Variants in PARP8 observed in about 807,000 individuals in gnomAD.
PARP8 encodes poly(ADP-ribose) polymerase family member 8.
A neutral mutation model predicts 124.1 loss-of-function variants in PARP8; 51 were observed. That is an observed-to-expected ratio of 0.41 (90% CI 0.33 to 0.52). The LOEUF (loss-of-function observed/expected upper bound fraction) is 0.52. Among genes scored for constraint, PARP8 ranks in the 20% least tolerant of loss-of-function variants. PARP8 has a pLI of 0.21. For synonymous variants in PARP8, 391 were observed against 361.5 expected (o/e 1.08, Z -0.93); for missense variants, 860 against 1,018.9 (o/e 0.84, Z 2.12).
chr5:50,757,482 G>A (rs979930680), intron 3 of PARP8, among the ~76,000 whole-genome samples: 2 of 151,964 alleles, frequency 1.3e-5, no homozygotes, highest in Admixed American at 6.6e-5. Flanking sequence ...ATGTAATAAC[G>A]GCAATTTAAT....
intron 2 of PARP8, among the ~76,000 whole-genome samples, chr5:50,693,713 T>C (rs1279602007): frequency 6.6e-6 from 1 of 151,662 alleles, no homozygotes; most frequent in East Asian, 1.9e-4. Context: ...TTGATTGAAT[T>C]ATATAATGTA....
At chr5:50,808,655 A>G (rs527639637) in intron 14 of PARP8, among the ~76,000 whole-genome samples, 1 of 152,170 alleles carries the variant, frequency 6.6e-6, no homozygotes, top group African/African-American at 2.4e-5. Flanking sequence ...AATTACAGCT[A>G]TCCGTTTGGG....
intron 2 of PARP8, among the ~76,000 whole-genome samples, chr5:50,690,168 T>C (rs1752342832): frequency 1.3e-5 from 2 of 152,186 alleles, no homozygotes; most frequent in Non-Finnish European, 2.9e-5. Context: ...CTGCAGCCTC[T>C]CAGGAGGGCT....
chr5:50,734,751 T>G (rs1204275356), intron 2 of PARP8, among the ~76,000 whole-genome samples: 1 of 152,150 alleles, frequency 6.6e-6, no homozygotes, highest in Non-Finnish European at 1.5e-5. Context: ...TTCATTGACT[T>G]ATCTGCAGCT....
At chr5:50,769,399 T>C (rs73101075) in intron 7 of PARP8, among the ~76,000 whole-genome samples, 3,821 of 151,424 alleles carry the variant, frequency 0.025, 145 homozygotes, top group African/African-American at 0.079. Context: ...AGAAAAAAAA[T>C]GTCTGATGAT....
chr5:50,717,261 G>GTTAA (rs1229372610), intron 2 of PARP8, among the ~76,000 whole-genome samples: 2 of 151,848 alleles, frequency 1.3e-5, no homozygotes, highest in Non-Finnish European at 2.9e-5. Context: ...TTGAGTTGGG[G>GTTAA]TTAAAAAAAG....
chr5:50,735,592 A>C (rs1757390227), intron 2 of PARP8, among the ~76,000 whole-genome samples: 1 of 152,272 alleles, frequency 6.6e-6, no homozygotes, highest in Middle Eastern at 3.4e-3. Flanking sequence ...AAGACATAAA[A>C]TACTTTTTAT....
chr5:50,739,854 A>C (rs905640627), intron 2 of PARP8, among the ~76,000 whole-genome samples: 1 of 149,662 alleles, frequency 6.7e-6, no homozygotes, highest in Non-Finnish European at 1.5e-5. Flanking sequence ...GGTTCAAGCA[A>C]TTCTCTGCCT....
chr5:50,804,218 T>C (rs1367822770), intron 14 of PARP8, among the ~76,000 whole-genome samples: 1 of 152,204 alleles, frequency 6.6e-6, no homozygotes. Flanking sequence ...GTAAATGTTT[T>C]CAATCCCCAC....
intron 2 of PARP8, among the ~76,000 whole-genome samples, chr5:50,675,351 C>G (rs968050950): frequency 1.3e-5 from 2 of 152,172 alleles, no homozygotes; most frequent in African/African-American, 4.8e-5. Flanking sequence ...GTTGCCCAGG[C>G]TGGAGTGCAG....
intron 2 of PARP8, among the ~76,000 whole-genome samples, chr5:50,694,855 A>G (rs1397437489): frequency 1.3e-5 from 2 of 152,204 alleles, no homozygotes; most frequent in African/African-American, 4.8e-5. Flanking sequence ...AAAGCCTGAG[A>G]GCCCCTAGCA....
At chr5:50,723,027 A>G (rs1382734996) in intron 2 of PARP8, among the ~76,000 whole-genome samples, 2 of 152,144 alleles carry the variant, frequency 1.3e-5, no homozygotes. Flanking sequence ...GATGAGAGTT[A>G]TTAAATCTTG....
At chr5:50,748,414 G>A (rs186706149) in intron 2 of PARP8, among the ~76,000 whole-genome samples, 8 of 151,992 alleles carry the variant, frequency 5.3e-5, no homozygotes, top group South Asian at 4.2e-4. Context: ...TTTAACAGTC[G>A]AATGTATTTT....
intron 2 of PARP8, among the ~76,000 whole-genome samples, chr5:50,730,029 A>G (rs1225755245): frequency 3.3e-5 from 5 of 152,326 alleles, no homozygotes; most frequent in East Asian, 1.9e-4. Context: ...ACATACAGAA[A>G]TACATTAAGA....
chr5:50,702,932 C>G (rs1934276135), intron 2 of PARP8, among the ~76,000 whole-genome samples: 1 of 152,106 alleles, frequency 6.6e-6, no homozygotes, highest in African/African-American at 2.4e-5. Context: ...GAACCCTGTC[C>G]TCATGGAGCT....
At chr5:50,840,612 T>C (rs1176463573) in intron 25 of PARP8, among the ~76,000 whole-genome samples, 1 of 151,816 alleles carries the variant, frequency 6.6e-6, no homozygotes, top group Non-Finnish European at 1.5e-5. Context: ...GGAATGAGCA[T>C]GTGGGTGATA....
At chr5:50,783,993 T>C (rs1223488834) in intron 9 of PARP8, among the ~76,000 whole-genome samples, 1 of 152,200 alleles carries the variant, frequency 6.6e-6, no homozygotes, top group African/African-American at 2.4e-5. Flanking sequence ...AAAGTTGATA[T>C]TTTATGTTTT....
At chr5:50,728,817 TTAAAA>T (rs1756688813) in intron 2 of PARP8, among the ~76,000 whole-genome samples, 1 of 152,168 alleles carries the variant, frequency 6.6e-6, no homozygotes, top group Non-Finnish European at 1.5e-5. Context: ...GATGTCACTC[TTAAAA>T]TGAAATTGTA....
At chr5:50,811,414 C>T (rs60011830) in intron 14 of PARP8, among the ~76,000 whole-genome samples, 9,628 of 151,432 alleles carry the variant, frequency 0.064, 351 homozygotes, top group South Asian at 0.18. Context: ...AAATCATTTG[C>T]GACAAAGTCA....
Sources: allele counts gnomAD v4.1 joint callset (sites outside exome capture counted in the v4.1 genomes callset), GRCh38; gene constraint gnomAD v4.1.1; transcripts MANE v1.5; gene names NCBI Gene and HGNC (gene_info 2026-07-23, HGNC 2026-07-21).